DNAH14: variants seen among roughly 807,000 people sequenced by gnomAD.
The protein encoded by DNAH14 is dynein axonemal heavy chain 14.
DNAH14 carries 478 observed loss-of-function variants against 520.9 expected under a neutral mutation model. The ratio of observed to expected loss-of-function variants is 0.92; its 90% CI spans 0.85 to 0.99. The LOEUF is 0.99. Among genes scored for constraint, DNAH14 ranks in the 50% least tolerant of loss-of-function variants. DNAH14 has a pLI of 0.00. For missense variants in DNAH14, 4,831 were observed against 5,234.5 expected (o/e 0.92, Z 2.38); for synonymous variants, 1,581 against 1,757.2 (o/e 0.90, Z 2.51).
intron 75 of DNAH14, 53 bp downstream of exon 75, chr1:225,360,944 A>G: frequency 6.8e-7 from 1 of 1,478,462 alleles, no homozygotes; most frequent in Non-Finnish European, 9.2e-7. Flanking sequence ...CAAAACTATA[A>G]AGTAAAACTG....
At chr1:225,006,931 C>G (rs1183528059) in intron 9 of DNAH14, among the ~76,000 whole-genome samples, 1 of 152,196 alleles carries the variant, frequency 6.6e-6, no homozygotes, top group East Asian at 1.9e-4. Flanking sequence ...AGAGGCCCAG[C>G]TGTAAAATTT....
intron 44 of DNAH14, among the ~76,000 whole-genome samples, chr1:225,255,510 T>C (rs1407546819): frequency 6.6e-6 from 1 of 152,130 alleles, no homozygotes; most frequent in East Asian, 1.9e-4. Flanking sequence ...CCCTTACATA[T>C]CCAGGTACCC....
chr1:224,948,158 A>G (rs2125460969), intron 1 of DNAH14, among the ~76,000 whole-genome samples: 1 of 152,094 alleles, frequency 6.6e-6, no homozygotes, highest in Non-Finnish European at 1.5e-5. Flanking sequence ...ATGCCTCATT[A>G]TCATACTAGA....
chr1:224,945,606 C>T (rs537203926), intron 1 of DNAH14, among the ~76,000 whole-genome samples: 3 of 152,328 alleles, frequency 2.0e-5, no homozygotes, highest in South Asian at 4.1e-4. Context: ...CTGTTTTTTC[C>T]CCATCTTTGT....
At chr1:225,309,155 T>C (rs1302930995) in intron 60 of DNAH14, among the ~76,000 whole-genome samples, 2 of 152,224 alleles carry the variant, frequency 1.3e-5, no homozygotes, top group African/African-American at 2.4e-5. Flanking sequence ...CTTTCAGTTA[T>C]TTCAAAATTT....
chr1:225,141,037 TTA>T lies in DNAH14; in HGVS notation c.4508+19_4508+20del. The T allele has an allele frequency of 6.6e-7, 1 of 1,521,638 alleles. No homozygotes were observed. The highest frequency in any genetic ancestry group is 8.9e-7 in the Non-Finnish European group (1 of 1,129,364). The allele number at this position is 1,521,638 out of a possible 1,614,324, so 94.3% of individuals were successfully genotyped here. On this transcript the variant is annotated intron_variant, in intron 28 of 85. Coordinates refer to ENST00000682510, the MANE Select transcript of DNAH14 (RefSeq NM_001367479.1). ...AGTGGACAAGGTAGGTGGATCTAAA[TTA>T]TAACTACATACAATAACTTCTCCCA...
chr1:225,328,020 C>T (rs536031562), intron 64 of DNAH14, among the ~76,000 whole-genome samples: 20 of 152,224 alleles, frequency 1.3e-4, no homozygotes, highest in African/African-American at 2.6e-4. Context: ...AGATGAGAAA[C>T]GGCATCAAAA....
rs71170051 is a variant in DNAH14, at chr1:225,049,047, A to ATTTT, written c.1913-1136_1913-1133dup. Among the ~76,000 whole-genome samples the ATTTT allele has an allele frequency of 2.0e-4, 11 of 56,302 alleles. 1 individual carries two copies. The highest frequency in any genetic ancestry group is 8.3e-4 in the African/African-American group (10 of 12,086). 36.9% of individuals were successfully genotyped at this position (56,302 alleles called of 152,430 possible). On this transcript the variant is annotated intron_variant, in intron 15 of 85. Coordinates refer to ENST00000682510, the MANE Select transcript of DNAH14 (RefSeq NM_001367479.1). The stretch of plus-strand genomic sequence containing the variant: ...AAATGTCTTTTTAGATCTCTTGCCT[A>ATTTT]TTTTTTTTTTTTTTTTTTTTTTTTT...
chr1:225,085,694 A>G lies in DNAH14; in HGVS notation c.3478A>G (p.Ile1160Val). Reference protein sequence around the residue: ...LHHTEIYSIFIIPSIDDISAQ... With the variant: ...LHHTEIYSIFVIPSIDDISAQ... ...CCACACAGAGATTTACTCTATCTTCATAATTCCATCTATAGATGACATATC... is the reference window on the plus strand; with the variant it reads ...CCACACAGAGATTTACTCTATCTTCGTAATTCCATCTATAGATGACATATC... Residue 1160 changes from isoleucine (I) to valine (V), a missense_variant, in exon 21 of 86, where the codon ATA (isoleucine) becomes GTA (valine). Coordinates refer to ENST00000682510, the MANE Select transcript of DNAH14 (RefSeq NM_001367479.1). The G allele has an allele frequency of 2.6e-6, 4 of 1,551,430 alleles. No individual in the cohort carries two copies. The highest frequency in any genetic ancestry group is 3.5e-6 in the Non-Finnish European group (4 of 1,146,806).
intron 48 of DNAH14, 44 bp downstream of exon 48, chr1:225,265,413 T>C: frequency 1.4e-6 from 2 of 1,435,224 alleles, no homozygotes; most frequent in African/African-American, 3.0e-5. Context: ...CTTAGGCTAG[T>C]CAAGTGATAG....
intron 10 of DNAH14, among the ~76,000 whole-genome samples, chr1:225,015,157 A>C (rs1477482119): frequency 1.3e-5 from 2 of 151,990 alleles, no homozygotes; most frequent in African/African-American, 2.4e-5. Context: ...TATCTTTTTT[A>C]TCTCTTCACT....
At chr1:225,212,881 T>G (rs969416242) in intron 41 of DNAH14, among the ~76,000 whole-genome samples, 2 of 152,230 alleles carry the variant, frequency 1.3e-5, no homozygotes, top group African/African-American at 2.4e-5. Flanking sequence ...TGATGGTAGT[T>G]TCTTTTGCTG....
At chr1:225,264,063 GGA>G (rs2093030195) in intron 46 of DNAH14, 132 bp from the exon 47 acceptor site, 1 of 653,352 alleles carries the variant, frequency 1.5e-6, no homozygotes, top group African/African-American at 1.8e-5. Context: ...CTGAAAAGGT[GGA>G]AACAGAAAAA....
At chr1:224,972,377 C>T (rs564655076) in intron 7 of DNAH14, among the ~76,000 whole-genome samples, 1 of 152,094 alleles carries the variant, frequency 6.6e-6, no homozygotes, top group South Asian at 2.1e-4. Context: ...GATCTCGGCT[C>T]ACTGCAAGCT....
At chr1:225,378,879 C>CA (rs113657495) in intron 79 of DNAH14, among the ~76,000 whole-genome samples, 63,928 of 135,262 alleles carry the variant, frequency 0.47, 17,200 homozygotes, top group African/African-American at 0.76. Context: ...AACTCCGTCC[C>CA]AAAAAAAAAA....
intron 35 of DNAH14, among the ~76,000 whole-genome samples, chr1:225,162,535 A>G (rs2081617698): frequency 1.3e-5 from 2 of 152,178 alleles, no homozygotes; most frequent in African/African-American, 4.8e-5. Flanking sequence ...TTGTGATACC[A>G]TGTAAATTTT....
chr1:225,231,103 A>C lies in DNAH14; in HGVS notation c.6470A>C (p.Glu2157Ala). 6.5e-7 allele frequency: 1 copy of C among 1,548,290 alleles called. No homozygotes were observed. The highest frequency in any genetic ancestry group is 8.7e-7 in the Non-Finnish European group (1 of 1,145,486). ...SDDLNDTSSK[E>A]ANSQRESVTF... ...GATTTGAATGACACGTCATCTAAGG[A>C]GGCAAATTCCCAAAGAGAGTCTGTC... The change falls in exon 42 of 86, where the codon GAG (glutamate) becomes GCG (alanine). Residue 2157 changes from glutamate to alanine, a missense_variant. Coordinates refer to ENST00000682510, the MANE Select transcript of DNAH14 (RefSeq NM_001367479.1).
At chr1:224,967,994 T>C (rs1009833208) in intron 6 of DNAH14, 1 of 985,812 alleles carries the variant, frequency 1.0e-6, no homozygotes, top group African/African-American at 1.7e-5. Flanking sequence ...ATTTTGATAT[T>C]TATCACAAGT....
At chr1:225,001,913 AG>A (rs141130480) in intron 8 of DNAH14, among the ~76,000 whole-genome samples, 3,598 of 152,172 alleles carry the variant, frequency 0.024, 109 homozygotes, top group African/African-American at 0.073. Flanking sequence ...ATAATTGGGG[AG>A]GGTTCTTTAA....
Sources: gnomAD v4.1 joint callset for allele counts (sites outside exome capture counted in the v4.1 genomes callset) on GRCh38, gnomAD v4.1.1 for gene constraint, MANE v1.5 for transcripts, NCBI Gene and HGNC (gene_info 2026-07-23, HGNC 2026-07-21) for gene names.